The following PRKN variants were observed in gnomAD, a reference collection of about 807,000 sequenced individuals.
PRKN encodes the protein E3 ubiquitin-protein ligase parkin.
A neutral mutation model predicts 59.5 loss-of-function variants in PRKN; 56 were observed. The ratio of observed to expected loss-of-function variants is 0.94; its 90% CI spans 0.76 to 1.18. The LOEUF (loss-of-function observed/expected upper bound fraction) is 1.18. PRKN is among the 50% of genes most tolerant of loss of function. PRKN has a pLI of 0.00. For synonymous variants in PRKN, 250 were observed against 222.1 expected (o/e 1.13, Z -1.12); for missense variants, 657 against 596.4 (o/e 1.10, Z -1.06).
chr6:162,448,466 C>A (rs1790428754), intron 1 of PRKN, among the ~76,000 whole-genome samples: 1 of 152,172 alleles, frequency 6.6e-6, no homozygotes, highest in Admixed American at 6.5e-5. Context: ...ATGAGCTCTA[C>A]ACTTCAATCC....
At position 161,376,639 on chromosome 6, in the gene PRKN, G is replaced by A. The variant is rs563466635; in HGVS notation, c.1167+10155C>T. On this transcript the variant is annotated intron_variant, in intron 10 of 11. Coordinates refer to ENST00000366898, the MANE Select transcript of PRKN (RefSeq NM_004562.3). The surrounding 1 kb of genome is among the most constrained non-coding windows in gnomAD (Gnocchi z 7.3). ...ACCACCTTGGGACTGAGGTCACACCGTCACATCACGGCGATAGGGCAGCTC... is the reference window on the plus strand; with the variant it reads ...ACCACCTTGGGACTGAGGTCACACCATCACATCACGGCGATAGGGCAGCTC... Among the ~76,000 whole-genome samples, 13 of 152,298 alleles carry A rather than the reference G, an allele frequency of 8.5e-5. No homozygotes were observed. The highest frequency in any genetic ancestry group is 3.3e-4 in the Admixed American group (5 of 15,300).
intron 4 of PRKN, among the ~76,000 whole-genome samples, chr6:162,159,141 T>C (rs1470366622): frequency 6.6e-6 from 1 of 151,346 alleles, no homozygotes; most frequent in Non-Finnish European, 1.5e-5. Flanking sequence ...CCTTTAGGCC[T>C]TTGCCTTGCC....
At chr6:161,982,418 T>C (rs895360253) in intron 5 of PRKN, among the ~76,000 whole-genome samples, 2 of 100,830 alleles carry the variant, frequency 2.0e-5, no homozygotes, top group Non-Finnish European at 3.9e-5. Context: ...AAAGTTCATA[T>C]GGAACCAAAA....
At chr6:161,977,517 A>G (rs1173723301) in intron 5 of PRKN, among the ~76,000 whole-genome samples, 1 of 136,868 alleles carries the variant, frequency 7.3e-6, no homozygotes, top group Non-Finnish European at 1.6e-5. Flanking sequence ...GAGAAACATT[A>G]TCTTCTCTAC....
chr6:162,008,728 T>C (rs530086558), intron 5 of PRKN, among the ~76,000 whole-genome samples: 53 of 152,238 alleles, frequency 3.5e-4, no homozygotes, highest in African/African-American at 1.2e-3. Flanking sequence ...GAACTTATTA[T>C]ATGAGAAAAA....
At chr6:162,010,279 TGATA>T (rs1474198171) in intron 5 of PRKN, among the ~76,000 whole-genome samples, 1 of 129,208 alleles carries the variant, frequency 7.7e-6, no homozygotes, top group African/African-American at 3.0e-5. Flanking sequence ...ATATTATGTA[TGATA>T]AATATATTTT....
rs1401257941 is a variant in PRKN, at chr6:161,502,377, G to T, written c.1083+46477C>A. ...TGCAGAAAACCAATGACATCAAAAG[G>T]AGAGCTTCTAGAAGTAAACATGACT... On this transcript the variant is annotated intron_variant, in intron 9 of 11. Transcript: ENST00000366898. The surrounding 1 kb of genome is among the most constrained non-coding windows in gnomAD (Gnocchi z 4.0). Among the ~76,000 whole-genome samples the T allele has an allele frequency of 6.6e-6, 1 of 152,112 alleles. No individual in the cohort carries two copies. The highest frequency in any genetic ancestry group is 1.5e-5 in the Non-Finnish European group (1 of 68,032).
At position 161,526,712 on chromosome 6, in the gene PRKN, G is replaced by A. The variant is rs1211622380; in HGVS notation, c.1083+22142C>T. On this transcript the variant is annotated intron_variant, in intron 9 of 11. Transcript: ENST00000366898. This position sits in a 1 kb window ranked among gnomAD's most constrained non-coding sequence, Gnocchi z 4.1. ...GCAAATGTTTGCTAAGCACTGTAGG[G>A]GACAGAAAAGACTTTCTTTATCCTC... 6.6e-6 allele frequency among the ~76,000 whole-genome samples: 1 copy of A among 151,952 alleles called. No individual in the cohort carries two copies. Among genetic ancestry groups the A allele is most frequent in the African/African-American group, 2.4e-5 (1 of 41,396 alleles).
intron 1 of PRKN, among the ~76,000 whole-genome samples, chr6:162,565,726 A>G (rs1258838581): frequency 6.6e-6 from 1 of 151,766 alleles, no homozygotes. Context: ...ACATACATAC[A>G]TACATACATA....
intron 1 of PRKN, among the ~76,000 whole-genome samples, chr6:162,636,097 G>A (rs183745496): frequency 5.9e-5 from 9 of 152,216 alleles, no homozygotes; most frequent in Admixed American, 5.9e-4. Context: ...TAAATATTCT[G>A]AAGGCACTTG....
At chr6:161,585,774 T>C (rs1781501398) in intron 7 of PRKN, among the ~76,000 whole-genome samples, 1 of 152,142 alleles carries the variant, frequency 6.6e-6, no homozygotes, top group African/African-American at 2.4e-5. Flanking sequence ...CTCTTGCCTT[T>C]TTATTTTCTA....
chr6:161,821,360 A>G (rs1792016028), intron 6 of PRKN, among the ~76,000 whole-genome samples: 3 of 152,164 alleles, frequency 2.0e-5, no homozygotes, highest in South Asian at 2.1e-4. Context: ...CCTAGCCCGT[A>G]CATAATCATC....
In PRKN at chr6:162,612,109, C is replaced by T. The variant is rs558453913; in HGVS notation, c.7+115553G>A. On this transcript the variant is annotated intron_variant, in intron 1 of 11. Transcript: ENST00000366898. The stretch of plus-strand genomic sequence containing the variant: ...TCGGGAGGCTGAGGCAGGAGAATGG[C>T]GTGAACCCGGGAGGCGGAGCTTGCA... 1.8e-4 allele frequency among the ~76,000 whole-genome samples: 25 copies of T among 141,934 alleles called. 1 individual carries two copies. Among genetic ancestry groups the T allele is most frequent in the Admixed American group, 9.9e-4 (13 of 13,190 alleles). The allele number at this position is 141,934 out of a possible 152,430, so 93.1% of individuals were successfully genotyped here.
chr6:161,887,042 C>T (rs1795180927), intron 6 of PRKN, among the ~76,000 whole-genome samples: 1 of 152,198 alleles, frequency 6.6e-6, no homozygotes, highest in South Asian at 2.1e-4. Flanking sequence ...AGGTTTGACA[C>T]ACGTGTCAGC....
At chr6:162,618,901 C>A (rs145474359) in intron 1 of PRKN, among the ~76,000 whole-genome samples, 1 of 152,190 alleles carries the variant, frequency 6.6e-6, no homozygotes, top group Non-Finnish European at 1.5e-5. Flanking sequence ...TCTCTCAGGG[C>A]ATCAGAGTAA....
intron 6 of PRKN, among the ~76,000 whole-genome samples, chr6:161,949,293 C>T (rs1002200067): frequency 6.6e-6 from 1 of 152,184 alleles, no homozygotes. Context: ...GGGTGGATCA[C>T]CTGAGGTCAG....
intron 6 of PRKN, among the ~76,000 whole-genome samples, chr6:161,919,379 C>T (rs537782929): frequency 6.6e-6 from 1 of 152,170 alleles, no homozygotes; most frequent in Non-Finnish European, 1.5e-5. Flanking sequence ...CTCAAATATG[C>T]ATCGAAAAAC....
rs561554187 is a variant in PRKN, at chr6:161,770,958, C to T, written c.871+14814G>A. Reference sequence around the variant, plus strand: ...TCAGGAGAAATCAACCCTGCTGACACCTTCATCTCAGACTTCCAGCCTCCA... The same window carrying T: ...TCAGGAGAAATCAACCCTGCTGACATCTTCATCTCAGACTTCCAGCCTCCA... On this transcript the variant is annotated intron_variant, in intron 7 of 11. Coordinates refer to ENST00000366898, the MANE Select transcript of PRKN (RefSeq NM_004562.3). Among the ~76,000 whole-genome samples the T allele has an allele frequency of 4.6e-5, 7 of 152,230 alleles. No homozygotes were observed. The South Asian group carries it at 1.5e-3, about 32-fold the overall frequency.
At chr6:161,752,168 G>A (rs896128514) in intron 7 of PRKN, among the ~76,000 whole-genome samples, 5 of 151,510 alleles carry the variant, frequency 3.3e-5, no homozygotes, top group Non-Finnish European at 5.9e-5. Flanking sequence ...TCAAGAGATC[G>A]AGACCATCCT....
Sources: allele counts gnomAD v4.1 joint callset (sites outside exome capture counted in the v4.1 genomes callset), GRCh38; gene constraint gnomAD v4.1.1; non-coding constraint Gnocchi (gnomAD v3.1); transcripts MANE v1.5; gene names NCBI Gene and HGNC (gene_info 2026-07-23, HGNC 2026-07-21).